PHF19: variants seen among roughly 807,000 people sequenced by gnomAD.
The protein encoded by PHF19 is PHD finger protein 19.
PHF19 carries 21 observed loss-of-function variants against 79.8 expected under a neutral mutation model. The ratio of observed to expected loss-of-function variants is 0.26; its 90% CI spans 0.19 to 0.38. The LOEUF (loss-of-function observed/expected upper bound fraction) is 0.38, where lower values mean the gene tolerates loss of function less well. Ranked by LOEUF, PHF19 falls within the 10% of genes least tolerant of loss-of-function variation. The probability of loss-of-function intolerance (pLI) is 1.00; values close to 1 mark genes in which losing one functional copy is unlikely to be tolerated. For synonymous variants in PHF19, 273 were observed against 296.3 expected (o/e 0.92, Z 0.81); for missense variants, 445 against 744.2 (o/e 0.60, Z 4.68).
Position 120,862,518 on chromosome 9 carries a change from C to T in PHF19, c.1130+70G>A, listed in dbSNP as rs1438025822. On this transcript the variant is annotated intron_variant, in intron 11 of 14. Coordinates refer to ENST00000373896, the MANE Select transcript of PHF19 (RefSeq NM_015651.3). This position sits in a 1 kb window ranked among gnomAD's most constrained non-coding sequence, Gnocchi z 4.6. ...CTGGGACTGGCTGGGTGCAGGTCCTCCTTGCTTGCTTGGAAGCAGAGAAAC... is the reference window on the plus strand; with the variant it reads ...CTGGGACTGGCTGGGTGCAGGTCCTTCTTGCTTGCTTGGAAGCAGAGAAAC... The T allele has an allele frequency of 2.8e-6, 4 of 1,437,430 alleles. No homozygotes were observed. The highest frequency in any genetic ancestry group is 3.9e-6 in the Non-Finnish European group (4 of 1,027,130). 89.0% of individuals were successfully genotyped at this position (1,437,430 alleles called of 1,614,324 possible). A position where few individuals can be genotyped will look rare whatever the true frequency, so the allele number is the denominator to read the frequency against.
At chr9:120,861,580 G>GA (rs1404733148) in intron 12 of PHF19, among the ~76,000 whole-genome samples, 7 of 152,194 alleles carry the variant, frequency 4.6e-5, no homozygotes, top group Non-Finnish European at 1.0e-4. Context: ...AAGGAGGAAA[G>GA]AAAGTGCTCT....
chr9:120,874,125 C>A lies in PHF19; in HGVS notation c.187-65G>T. 1 of 828,520 alleles carries A rather than the reference C, an allele frequency of 1.2e-6. No individual in the cohort carries two copies. The highest frequency in any genetic ancestry group is 1.5e-5 in the South Asian group (1 of 67,374). 51.3% of individuals were successfully genotyped at this position (828,520 alleles called of 1,614,324 possible). A position where few individuals can be genotyped will look rare whatever the true frequency, so the allele number is the denominator to read the frequency against. ...GGGAAAAGCCAACCTGGAACATAGT[C>A]TTCCTCCCCCATTTTTGTCTCCGTA... On this transcript the variant is annotated intron_variant, in intron 2 of 14. Coordinates refer to ENST00000373896, the MANE Select transcript of PHF19 (RefSeq NM_015651.3). This position sits in a 1 kb window ranked among gnomAD's most constrained non-coding sequence, Gnocchi z 4.5.
chr9:120,865,205 G>A (rs2045663069), intron 9 of PHF19, among the ~76,000 whole-genome samples: 1 of 152,184 alleles, frequency 6.6e-6, no homozygotes, highest in South Asian at 2.1e-4. Flanking sequence ...GGGAAAAGAA[G>A]ACACAGCACC....
Position 120,860,619 on chromosome 9 carries a change from G to A in PHF19, c.1305-434C>T, listed in dbSNP as rs923765934. ...CTAAAGCCCTCCTCTGTGTCCTCAGGAAAATACTAAATGACCTTTAATAAT... is the reference window on the plus strand; with the variant it reads ...CTAAAGCCCTCCTCTGTGTCCTCAGAAAAATACTAAATGACCTTTAATAAT... On this transcript the variant is annotated intron_variant, in intron 13 of 14. Coordinates refer to ENST00000373896, the MANE Select transcript of PHF19 (RefSeq NM_015651.3). The surrounding 1 kb of genome is among the most constrained non-coding windows in gnomAD (Gnocchi z 4.1). 8.8e-6 allele frequency: 2 copies of A among 227,000 alleles called. No homozygotes were observed. The highest frequency in any genetic ancestry group is 1.8e-5 in the Non-Finnish European group (2 of 112,126). 14.1% of individuals were successfully genotyped at this position (227,000 alleles called of 1,614,324 possible). A position where few individuals can be genotyped will look rare whatever the true frequency, so the allele number is the denominator to read the frequency against.
intron 1 of PHF19, among the ~76,000 whole-genome samples, chr9:120,887,708 T>C (rs994570880): frequency 6.6e-6 from 1 of 152,046 alleles, no homozygotes; most frequent in African/African-American, 2.4e-5. Flanking sequence ...GTATGCCTTA[T>C]GATTTTTTGG....
intron 1 of PHF19, among the ~76,000 whole-genome samples, chr9:120,888,089 C>T (rs896397195): frequency 3.5e-4 from 53 of 152,376 alleles, no homozygotes; most frequent in Middle Eastern, 3.4e-3. Flanking sequence ...TCTCCTGCCT[C>T]AGCCTCCCAA....
At chr9:120,864,330 A>T (rs941608557) in intron 9 of PHF19, among the ~76,000 whole-genome samples, 11 of 152,214 alleles carry the variant, frequency 7.2e-5, no homozygotes, top group African/African-American at 2.4e-4. Flanking sequence ...AACTGTATTG[A>T]GAGCTTTAAA....
intron 1 of PHF19, among the ~76,000 whole-genome samples, chr9:120,892,419 G>C (rs2046354148): frequency 6.6e-6 from 1 of 152,146 alleles, no homozygotes; most frequent in South Asian, 2.1e-4. Flanking sequence ...AGGCTGTTTG[G>C]GGACATTGTT....
chr9:120,897,978 CAAAAAA>C (rs577932181), upstream of PHF19, among the ~76,000 whole-genome samples: 6 of 99,680 alleles, frequency 6.0e-5, no homozygotes, highest in Admixed American at 1.1e-4. Context: ...GACCCCGTCT[CAAAAAA>C]AAAAAAAAAA....
chr9:120,902,648 C>G, the PHF19 span: 1 of 149,330 alleles, frequency 6.7e-6, no homozygotes, highest in Non-Finnish European at 1.5e-5. Flanking sequence ...CAAGTCGGTA[C>G]TCTTCCCTTT....
Position 120,857,934 on chromosome 9 carries a change from C to CG in PHF19, c.*9dup. ...TGGTTTTCAGGACCCCTGGCACCCC[C>CG]GGGGGCTAGTCAGTAAGGGGTGGTC... On this transcript the variant is annotated 3_prime_UTR_variant, in exon 15 of 15. Coordinates refer to ENST00000373896, the MANE Select transcript of PHF19 (RefSeq NM_015651.3). 6.5e-7 allele frequency: 1 copy of CG among 1,531,544 alleles called. No individual in the cohort carries two copies. The allele number at this position is 1,531,544 out of a possible 1,614,324, so 94.9% of individuals were successfully genotyped here. A position where few individuals can be genotyped will look rare whatever the true frequency, so the allele number is the denominator to read the frequency against.
chr9:120,873,277 T>C (rs1034867690), intron 3 of PHF19, among the ~76,000 whole-genome samples: 39 of 152,170 alleles, frequency 2.6e-4, no homozygotes, highest in Admixed American at 5.9e-4. Flanking sequence ...TGAAAGTACA[T>C]GTGTTGTCAA....
chr9:120,876,400 GGGTC>G (rs2046053631), intron 1 of PHF19: 2 of 152,022 alleles, frequency 1.3e-5, no homozygotes, highest in Non-Finnish European at 2.9e-5. Flanking sequence ...GGAGCCGGCC[GGGTC>G]GCCGCACCCG....
At chr9:120,900,267 G>A in the PHF19 span, among the ~76,000 whole-genome samples, 25 of 152,346 alleles carry the variant, frequency 1.6e-4, no homozygotes, top group East Asian at 7.7e-4. Flanking sequence ...GATTACAGGC[G>A]TGAGCCACCG....
rs1027175465 is a variant in PHF19, at chr9:120,892,628, C to A, written c.42+2160G>T. Among the ~76,000 whole-genome samples the A allele has an allele frequency of 2.0e-5, 3 of 152,166 alleles. No individual in the cohort carries two copies. The East Asian group carries it at 5.8e-4, about 29-fold the overall frequency. ...CCTGTCCCCATGGCATATAGGACCTCAAGGTCCACACTTGTATACCTGTCA... is the reference window on the plus strand; with the variant it reads ...CCTGTCCCCATGGCATATAGGACCTAAAGGTCCACACTTGTATACCTGTCA... On this transcript the variant is annotated intron_variant, in intron 1 of 14. Coordinates refer to the PHF19 transcript ENST00000616568.
At chr9:120,881,157 T>G (rs1430374822), upstream of PHF19, among the ~76,000 whole-genome samples, 6 of 150,006 alleles carry the variant, frequency 4.0e-5, no homozygotes, top group Non-Finnish European at 5.9e-5. Flanking sequence ...TTGTTTTTTT[T>G]TTTTTTTTTT....
At chr9:120,872,037 C>CA (rs1170243737) in intron 3 of PHF19, among the ~76,000 whole-genome samples, 12,657 of 30,290 alleles carry the variant, frequency 0.42, 4,457 homozygotes, top group East Asian at 0.56. Flanking sequence ...GACTCTGTCT[C>CA]AAAAAAAAAA....
At chr9:120,871,777 C>T (rs530924768) in intron 3 of PHF19, among the ~76,000 whole-genome samples, 5 of 152,236 alleles carry the variant, frequency 3.3e-5, no homozygotes, top group South Asian at 2.1e-4. Context: ...CAGTGGCTCA[C>T]GCCTGTAATC....
intron 1 of PHF19, among the ~76,000 whole-genome samples, chr9:120,889,739 T>C (rs914222123): frequency 1.4e-5 from 2 of 145,034 alleles, no homozygotes; most frequent in African/African-American, 5.2e-5. Context: ...AGCAAGACCC[T>C]GTCTTGAAAA....
Sources: gnomAD v4.1 joint callset for allele counts (sites outside exome capture counted in the v4.1 genomes callset) on GRCh38, gnomAD v4.1.1 for gene constraint, Gnocchi (gnomAD v3.1) non-coding constraint, MANE v1.5 for transcripts, NCBI Gene and HGNC (gene_info 2026-07-23, HGNC 2026-07-21) for gene names.